AKAP6: variants seen among roughly 807,000 people sequenced by gnomAD.
AKAP6 encodes A-kinase anchoring protein 6.
AKAP6 carries 58 observed loss-of-function variants against 188.5 expected under a neutral mutation model. That is an observed-to-expected ratio of 0.31 (90% CI 0.25 to 0.38). AKAP6 has a LOEUF of 0.38. AKAP6 is among the 10% of genes least tolerant of loss of function. The pLI, the probability that AKAP6 is intolerant of heterozygous loss-of-function variation, is 1.00. For missense variants in AKAP6, 2,710 were observed against 2,740.0 expected (o/e 0.99, Z 0.24); for synonymous variants, 989 against 998.6 (o/e 0.99, Z 0.18).
At chr14:32,387,522 G>A (rs1888571971) in intron 1 of AKAP6, among the ~76,000 whole-genome samples, 1 of 147,230 alleles carries the variant, frequency 6.8e-6, no homozygotes, top group Admixed American at 6.8e-5. Flanking sequence ...TATATGTATT[G>A]TTTATTATTT....
At chr14:32,760,628 G>A (rs1342895115) in intron 11 of AKAP6, among the ~76,000 whole-genome samples, 17 of 152,146 alleles carry the variant, frequency 1.1e-4, no homozygotes, top group Non-Finnish European at 2.9e-5. Context: ...AATCTTCTTT[G>A]AGAGAGCAGG....
intron 1 of AKAP6, among the ~76,000 whole-genome samples, chr14:32,430,952 A>T (rs1457832861): frequency 1.3e-5 from 2 of 152,074 alleles, no homozygotes; most frequent in African/African-American, 4.8e-5. Flanking sequence ...TAAAAAAAGT[A>T]CAATTAGCCA....
At chr14:32,559,615 C>T (rs12147355) in intron 4 of AKAP6, among the ~76,000 whole-genome samples, 8,764 of 152,058 alleles carry the variant, frequency 0.058, 346 homozygotes, top group Middle Eastern at 0.11. Flanking sequence ...CAGTAATTTT[C>T]AACTGTGACT....
At chr14:32,697,971 G>A (rs1018232871) in intron 9 of AKAP6, among the ~76,000 whole-genome samples, 26 of 152,042 alleles carry the variant, frequency 1.7e-4, no homozygotes, top group Non-Finnish European at 3.2e-4. Flanking sequence ...CCATTCTTCT[G>A]CTTTTAGGTG....
At chr14:32,785,124 C>T (rs772513060) in intron 12 of AKAP6, among the ~76,000 whole-genome samples, 6 of 152,056 alleles carry the variant, frequency 3.9e-5, no homozygotes, top group Non-Finnish European at 8.8e-5. Context: ...GGAAATAAAT[C>T]CAGTGCTTCC....
chr14:32,826,563 A>G (rs1409280043), intron 13 of AKAP6, among the ~76,000 whole-genome samples: 1 of 152,204 alleles, frequency 6.6e-6, no homozygotes, highest in Non-Finnish European at 1.5e-5. Context: ...GCATGACATC[A>G]TGTGACTGTG....
At chr14:32,658,413 A>T (rs1029223972) in intron 7 of AKAP6, among the ~76,000 whole-genome samples, 1 of 152,122 alleles carries the variant, frequency 6.6e-6, no homozygotes, top group Non-Finnish European at 1.5e-5. Flanking sequence ...TTCAGAAGTG[A>T]TCACTGTTTT....
chr14:32,822,271 G>T lies in AKAP6; in HGVS notation c.4458G>T (p.Gln1486His), dbSNP rs753031496. The T allele has an allele frequency of 6.2e-7, 1 of 1,613,734 alleles. No individual in the cohort carries two copies. Among genetic ancestry groups the T allele is most frequent in the African/African-American group, 1.3e-5 (1 of 74,864 alleles). Residue 1486 changes from glutamine (Q) to histidine (H), a missense_variant, in exon 13 of 14, where the codon CAG (glutamine) becomes CAT (histidine). Around this residue, in one of 2 missense-constraint regions of AKAP6, gnomAD observed 2,473 missense variants for 2,426.1 expected, o/e 1.02. Coordinates refer to ENST00000280979, the MANE Select transcript of AKAP6 (RefSeq NM_004274.5). ...SKLKLPMIMK[Q>H]SQSEKAHVED... is the part of the protein sequence containing the mutation. ...TCAAATTACCAATGATAATGAAACA[G>T]TCACAAAGCGAAAAAGCGCATGTGG... is the stretch of plus-strand genomic sequence containing the variant.
chr14:32,391,056 G>A (rs1217284514), intron 1 of AKAP6, among the ~76,000 whole-genome samples: 1 of 152,120 alleles, frequency 6.6e-6, no homozygotes. Context: ...TACGGGTACA[G>A]GACCTACAGT....
Position 32,412,978 on chromosome 14 carries a change from A to G in AKAP6, c.-34-20482A>G, listed in dbSNP as rs528966606. The stretch of plus-strand genomic sequence containing the variant: ...TGTAAACAAGATAATCAATCTCACC[A>G]TGTGCCATTTTATATACAGTGTCTT... On this transcript the variant is annotated intron_variant, in intron 1 of 13. Transcript: ENST00000280979. 1.8e-4 allele frequency among the ~76,000 whole-genome samples: 28 copies of G among 152,194 alleles called. No homozygotes were observed. In the South Asian group the frequency reaches 5.6e-3, roughly 30 times the overall value.
At chr14:32,513,744 T>C (rs1215228610) in intron 2 of AKAP6, among the ~76,000 whole-genome samples, 1 of 152,192 alleles carries the variant, frequency 6.6e-6, no homozygotes, top group African/African-American at 2.4e-5. Flanking sequence ...AACAGTACAA[T>C]AAAAATCATT....
intron 1 of AKAP6, among the ~76,000 whole-genome samples, chr14:32,354,477 G>C (rs1288377841): frequency 1.3e-5 from 2 of 152,148 alleles, no homozygotes; most frequent in Non-Finnish European, 2.9e-5. Context: ...TGTTTAGCGT[G>C]GTGTCTGGCA....
chr14:32,424,615 T>C (rs893113005), intron 1 of AKAP6, among the ~76,000 whole-genome samples: 2 of 152,108 alleles, frequency 1.3e-5, no homozygotes, highest in East Asian at 1.9e-4. Context: ...TTAAGCCTAG[T>C]ATCCATTAGT....
At chr14:32,343,723 A>G (rs1240423048) in intron 1 of AKAP6, among the ~76,000 whole-genome samples, 7 of 139,354 alleles carry the variant, frequency 5.0e-5, no homozygotes, top group Admixed American at 3.7e-4. Context: ...CTCCAGCCTG[A>G]GCAACAGAGC....
At chr14:32,514,714 A>C (rs576206730) in intron 2 of AKAP6, among the ~76,000 whole-genome samples, 1 of 152,346 alleles carries the variant, frequency 6.6e-6, no homozygotes, top group East Asian at 1.9e-4. Flanking sequence ...ATCTTAAATG[A>C]CTGTAATGAA....
intron 2 of AKAP6, among the ~76,000 whole-genome samples, chr14:32,486,035 T>C (rs146130984): frequency 0.01 from 1,594 of 152,336 alleles, 13 homozygotes; most frequent in Non-Finnish European, 0.015. Flanking sequence ...TTTCTGCATA[T>C]GGCTAGCCAG....
intron 7 of AKAP6, among the ~76,000 whole-genome samples, chr14:32,646,198 A>G (rs1464716526): frequency 6.6e-6 from 1 of 152,080 alleles, no homozygotes; most frequent in African/African-American, 2.4e-5. Flanking sequence ...ATTATAAAGG[A>G]CCATTTAAAA....
At chr14:32,572,143 G>A (rs1346756186) in intron 4 of AKAP6, among the ~76,000 whole-genome samples, 1 of 152,130 alleles carries the variant, frequency 6.6e-6, no homozygotes, top group African/African-American at 2.4e-5. Context: ...GTTTCTAGAG[G>A]GTGGTGTGGT....
chr14:32,721,375 A>G (rs1286611128), intron 9 of AKAP6, among the ~76,000 whole-genome samples: 1 of 152,230 alleles, frequency 6.6e-6, no homozygotes, highest in East Asian at 1.9e-4. Context: ...GATGAAGGAA[A>G]TTTTTGAGGG....
Sources: gnomAD v4.1 joint callset for allele counts (sites outside exome capture counted in the v4.1 genomes callset) on GRCh38, gnomAD v4.1.1 for gene constraint, gnomAD v4.1.1 regional missense constraint, MANE v1.5 for transcripts, NCBI Gene and HGNC (gene_info 2026-07-23, HGNC 2026-07-21) for gene names.